TDRD9: variants seen among roughly 807,000 people sequenced by gnomAD.
TDRD9 encodes tudor domain containing 9.
A neutral mutation model predicts 172.6 loss-of-function variants in TDRD9; 124 were observed. The observed-to-expected ratio is 0.72, with a 90% confidence interval of 0.62 to 0.83. The LOEUF (loss-of-function observed/expected upper bound fraction) is 0.83, where lower values mean the gene tolerates loss of function less well. Ranked by LOEUF, TDRD9 falls within the 40% of genes least tolerant of loss-of-function variation. The pLI is 0.00. For missense variants in TDRD9, 1,479 were observed against 1,714.1 expected (o/e 0.86, Z 2.42); for synonymous variants, 619 against 617.1 (o/e 1.00, Z -0.05).
chr14:103,967,161 T>C (rs2032784822), intron 5 of TDRD9, among the ~76,000 whole-genome samples: 1 of 151,612 alleles, frequency 6.6e-6, no homozygotes, highest in Non-Finnish European at 1.5e-5. Flanking sequence ...AGCAAATAAA[T>C]AGGATTTGTG....
intron 1 of TDRD9, among the ~76,000 whole-genome samples, chr14:103,954,631 T>C (rs1021545612): frequency 6.6e-6 from 1 of 152,104 alleles, no homozygotes; most frequent in Non-Finnish European, 1.5e-5. Flanking sequence ...TAGTTTTTAT[T>C]TGATTTATTT....
chr14:104,015,520 G>T (rs2034763117), intron 21 of TDRD9, among the ~76,000 whole-genome samples: 5 of 152,228 alleles, frequency 3.3e-5, no homozygotes, highest in Admixed American at 3.3e-4. Flanking sequence ...TCTTTGCAGA[G>T]TGCATTTTAG....
chr14:103,965,232 T>C (rs2032683811), intron 3 of TDRD9, 101 bp from the exon 4 acceptor site: 12 of 1,255,672 alleles, frequency 9.6e-6, no homozygotes, highest in African/African-American at 1.5e-5. Context: ...AAACAAAACT[T>C]TAAGATGAAA....
chr14:103,982,015 G>C (rs2033490641), intron 7 of TDRD9, among the ~76,000 whole-genome samples: 1 of 152,032 alleles, frequency 6.6e-6, no homozygotes, highest in South Asian at 2.1e-4. Context: ...GCTGTTACAA[G>C]GGAGACTTGT....
intron 2 of TDRD9, 83 bp from the exon 3 acceptor site, chr14:103,962,996 G>GTGTGT: frequency 3.1e-6 from 2 of 637,474 alleles, no homozygotes; most frequent in African/African-American, 3.7e-5. Flanking sequence ...GTGTGTGTAT[G>GTGTGT]CTGTATCTAT....
At chr14:104,017,022 A>AAAGG (rs1192753192) in intron 22 of TDRD9, among the ~76,000 whole-genome samples, 1 of 152,118 alleles carries the variant, frequency 6.6e-6, no homozygotes, top group Non-Finnish European at 1.5e-5. Flanking sequence ...AGGGACTTTA[A>AAAGG]AAGGAAGTCA....
rs773721878 is a variant in TDRD9 at position 104,004,250 on chromosome 14, G to A, written c.1496G>A (p.Arg499Gln). Reference protein sequence around the residue: ...SCNQRKGRAGRVSRGYCYRLV... With the variant: ...SCNQRKGRAGQVSRGYCYRLV... ...CTCTCCTTTGAAGGCCGTGCTGGACGAGTGTCTAGAGGGTACTGTTACCGG... is the reference window on the plus strand; with the variant it reads ...CTCTCCTTTGAAGGCCGTGCTGGACAAGTGTCTAGAGGGTACTGTTACCGG... The change falls in exon 14 of 36, where the codon CGA (arginine) becomes CAA (glutamine). Residue 499 changes from arginine (R) to glutamine (Q), a missense_variant. Transcript: ENST00000409874. 3 of 1,581,828 alleles carry A rather than the reference G, an allele frequency of 1.9e-6. No individual in the cohort carries two copies. Among genetic ancestry groups the A allele is most frequent in the East Asian group, 2.2e-5 (1 of 44,594 alleles).
intron 9 of TDRD9, 91 bp from the exon 10 acceptor site, chr14:103,994,241 T>G (rs1165392609): frequency 4.4e-6 from 5 of 1,146,018 alleles, no homozygotes; most frequent in Admixed American, 1.8e-5. Context: ...TAGGGCCTTC[T>G]TTGAAAGATA....
chr14:103,930,191 GT>G (rs113848119), intron 1 of TDRD9, among the ~76,000 whole-genome samples: 132 of 145,100 alleles, frequency 9.1e-4, no homozygotes, highest in African/African-American at 2.7e-3. Context: ...CTTTTTCTTG[GT>G]TTTTTTTTTT....
chr14:103,941,777 TA>T (rs2031252050), intron 1 of TDRD9: 2 of 1,170,162 alleles, frequency 1.7e-6, no homozygotes, highest in East Asian at 5.2e-5. Flanking sequence ...TTCTTTACAA[TA>T]AATTTGCCCG....
At chr14:103,998,572 G>A in intron 12 of TDRD9, 52 bp from the exon 13 acceptor site, 1 of 956,192 alleles carries the variant, frequency 1.0e-6, no homozygotes, top group South Asian at 1.4e-5. Flanking sequence ...GATTTATTAT[G>A]CAATGATCTC....
At chr14:103,963,465 G>T (rs2032603343) in intron 3 of TDRD9, among the ~76,000 whole-genome samples, 1 of 146,270 alleles carries the variant, frequency 6.8e-6, no homozygotes, top group Non-Finnish European at 1.5e-5. Flanking sequence ...CAAAATATCT[G>T]CAAGTAAACA....
chr14:103,949,448 C>T (rs2031743059), intron 1 of TDRD9, among the ~76,000 whole-genome samples: 1 of 152,140 alleles, frequency 6.6e-6, no homozygotes, highest in African/African-American at 2.4e-5. Context: ...GTAAATCCTC[C>T]AAACAAAAAC....
rs1412848146 is a variant in TDRD9, at chr14:104,024,746, G to A, written c.2718+66G>A. The A allele has an allele frequency of 1.7e-5, 11 of 642,790 alleles. No individual in the cohort carries two copies. The Admixed American group carries it at 2.3e-4, about 13-fold the overall frequency. 39.8% of individuals were successfully genotyped at this position (642,790 alleles called of 1,614,324 possible). ...AAAATCATCATGTTGTATACAGGAA[G>A]TTTACACACACACACACACACACAC... is the stretch of plus-strand genomic sequence containing the variant. On this transcript the variant is annotated intron_variant, in intron 25 of 35. Coordinates refer to ENST00000409874, the MANE Select transcript of TDRD9 (RefSeq NM_153046.3).
At chr14:104,005,076 T>A in intron 14 of TDRD9, 198 bp from the exon 15 acceptor site, 1 of 444,948 alleles carries the variant, frequency 2.2e-6, no homozygotes, top group Non-Finnish European at 3.9e-6. Context: ...CCCATCTTTT[T>A]ATTTTTCCAT....
intron 7 of TDRD9, among the ~76,000 whole-genome samples, chr14:103,978,813 A>G (rs934234245): frequency 1.3e-5 from 2 of 152,220 alleles, no homozygotes; most frequent in Non-Finnish European, 1.5e-5. Context: ...AAATTCACAC[A>G]TAATAATTCA....
At position 103,947,050 on chromosome 14, in the gene TDRD9, A is replaced by G. The variant is rs2031597343; in HGVS notation, c.216-8614A>G. On this transcript the variant is annotated intron_variant, in intron 1 of 35. Transcript: ENST00000409874. ...TGGAAAAATCCATCCTGAAATTCAT[A>G]TGGAATGTCAAGGAACCCTGAATAG... 2.0e-5 allele frequency among the ~76,000 whole-genome samples: 3 copies of G among 152,166 alleles called. No individual in the cohort carries two copies. The South Asian group carries it at 6.2e-4, about 31-fold the overall frequency.
At chr14:103,957,107 A>C (rs1178725743) in intron 2 of TDRD9, among the ~76,000 whole-genome samples, 1 of 152,236 alleles carries the variant, frequency 6.6e-6, no homozygotes, top group African/African-American at 2.4e-5. Flanking sequence ...CTTCTTGACT[A>C]TACCAATTAG....
chr14:103,989,084 A>C (rs1347289445), intron 8 of TDRD9, among the ~76,000 whole-genome samples: 2 of 151,728 alleles, frequency 1.3e-5, no homozygotes, highest in Non-Finnish European at 2.9e-5. Context: ...TATCTGGGAC[A>C]GTCTTTATTT....
Sources: allele counts gnomAD v4.1 joint callset (sites outside exome capture counted in the v4.1 genomes callset), GRCh38; gene constraint gnomAD v4.1.1; transcripts MANE v1.5; gene names NCBI Gene and HGNC (gene_info 2026-07-23, HGNC 2026-07-21).